TANC2: variants seen among roughly 807,000 people sequenced by gnomAD.
The protein encoded by TANC2 is tetratricopeptide repeat, ankyrin repeat and coiled-coil containing 2, also known as protein TANC2.
In TANC2, 26 loss-of-function variants were observed where a neutral mutation model predicts 210.5. The observed-to-expected ratio is 0.12, with a 90% CI of 0.09 to 0.17. The LOEUF is 0.17. Ranked by LOEUF, TANC2 falls within the 10% of genes least tolerant of loss-of-function variation. The pLI is 1.00. For synonymous variants in TANC2, 931 were observed against 967.1 expected, an observed-to-expected ratio of 0.96 and a Z score of 0.69; for missense variants, 2,129 against 2,608.9, an observed-to-expected ratio of 0.82 and a Z score of 4.01.
intron 12 of TANC2, among the ~76,000 whole-genome samples, chr17:63,344,318 G>A (rs1201985361): frequency 6.6e-6 from 1 of 152,144 alleles, no homozygotes; most frequent in Non-Finnish European, 1.5e-5. Flanking sequence ...ACACCAATTA[G>A]TGATAAAAAC....
At chr17:62,975,140 A>G (rs2031929578) in intron 1 of TANC2, among the ~76,000 whole-genome samples, 1 of 152,170 alleles carries the variant, frequency 6.6e-6, no homozygotes, top group South Asian at 2.1e-4. Context: ...ATTGTGATTT[A>G]GTCATTTTAT....
chr17:63,020,068 A>T (rs1459938852), intron 2 of TANC2, among the ~76,000 whole-genome samples: 1 of 152,202 alleles, frequency 6.6e-6, no homozygotes, highest in Non-Finnish European at 1.5e-5. Context: ...CTGGGATTAC[A>T]GGCATGTGCC....
At chr17:63,111,159 A>G (rs563758753) in intron 4 of TANC2, among the ~76,000 whole-genome samples, 1 of 152,132 alleles carries the variant, frequency 6.6e-6, no homozygotes, top group East Asian at 1.9e-4. Flanking sequence ...TAAAAATACA[A>G]AAAAAATTAG....
chr17:63,162,897 A>T (rs1364872867), intron 5 of TANC2, among the ~76,000 whole-genome samples: 1 of 152,030 alleles, frequency 6.6e-6, no homozygotes, highest in Non-Finnish European at 1.5e-5. Flanking sequence ...ACTTAACGTT[A>T]GTGGTCATTA....
intron 8 of TANC2, among the ~76,000 whole-genome samples, chr17:63,256,221 T>C (rs957383801): frequency 6.6e-6 from 1 of 152,208 alleles, no homozygotes; most frequent in Non-Finnish European, 1.5e-5. Flanking sequence ...ACCTTTTTTA[T>C]GTAGGCACTT....
chr17:62,975,914 G>A lies in TANC2; in HGVS notation c.-24+9165G>A, dbSNP rs570213338. 8.5e-5 allele frequency among the ~76,000 whole-genome samples: 13 copies of A among 152,176 alleles called. No individual in the cohort carries two copies. In the South Asian group the frequency reaches 1.9e-3, roughly 22 times the overall value. Reference sequence around the variant, plus strand: ...AATTTTTCTTTTTTGATATATGCCAGCTCCTCCCAATTTTTTACTGGCATT... The same window carrying A: ...AATTTTTCTTTTTTGATATATGCCAACTCCTCCCAATTTTTTACTGGCATT... On this transcript the variant is annotated intron_variant, in intron 1 of 27. Coordinates refer to ENST00000689528, the Ensembl canonical transcript of TANC2.
chr17:63,410,739 T>C (rs1311228600), intron 21 of TANC2, among the ~76,000 whole-genome samples: 1 of 151,628 alleles, frequency 6.6e-6, no homozygotes, highest in Non-Finnish European at 1.5e-5. Flanking sequence ...TGCATGCCTT[T>C]AATCCCAGCT....
intron 8 of TANC2, among the ~76,000 whole-genome samples, chr17:63,262,734 A>G (rs976304969): frequency 2.6e-5 from 4 of 151,976 alleles, no homozygotes; most frequent in Non-Finnish European, 4.4e-5. Context: ...AGAAACAACT[A>G]TGGGCCAGGG....
intron 18 of TANC2, among the ~76,000 whole-genome samples, 195 bp from the exon 19 acceptor site, chr17:63,398,626 A>T (rs1034862604): frequency 1.3e-5 from 2 of 152,208 alleles, no homozygotes; most frequent in Non-Finnish European, 2.9e-5. Flanking sequence ...GAAATGTGCA[A>T]ACCATACCTG....
At chr17:63,103,499 G>C (rs1176348950) in intron 4 of TANC2, among the ~76,000 whole-genome samples, 1 of 152,156 alleles carries the variant, frequency 6.6e-6, no homozygotes, top group Non-Finnish European at 1.5e-5. Flanking sequence ...TGGTCCGACT[G>C]TTTGGGTTTA....
chr17:63,015,878 A>G (rs78854784), intron 2 of TANC2, among the ~76,000 whole-genome samples: 3,645 of 151,948 alleles, frequency 0.024, 55 homozygotes, highest in South Asian at 0.037. Flanking sequence ...ACCTTAAATT[A>G]TTTAATTAAA....
chr17:63,052,726 T>G (rs1448420768), intron 2 of TANC2, among the ~76,000 whole-genome samples: 5 of 152,144 alleles, frequency 3.3e-5, no homozygotes, highest in African/African-American at 1.2e-4. Flanking sequence ...AGATACATAA[T>G]CTTTTCCAGA....
intron 2 of TANC2, among the ~76,000 whole-genome samples, chr17:63,041,728 T>C (rs1203053751): frequency 6.6e-6 from 1 of 152,168 alleles, no homozygotes. Context: ...ACTGGGTTAA[T>C]GAATAACATA....
At chr17:63,213,787 C>G (rs187020123) in intron 7 of TANC2, among the ~76,000 whole-genome samples, 1 of 152,178 alleles carries the variant, frequency 6.6e-6, no homozygotes, top group Non-Finnish European at 1.5e-5. Context: ...TGGCAACATG[C>G]TGAAATAATA....
At chr17:63,235,275 C>T (rs1273028346) in intron 7 of TANC2, among the ~76,000 whole-genome samples, 2 of 152,078 alleles carry the variant, frequency 1.3e-5, no homozygotes, top group Non-Finnish European at 2.9e-5. Flanking sequence ...ATTTTCTCTG[C>T]TTTCTTTTTG....
intron 11 of TANC2, among the ~76,000 whole-genome samples, chr17:63,320,804 G>T (rs2045470578): frequency 6.6e-6 from 1 of 152,070 alleles, no homozygotes; most frequent in Admixed American, 6.6e-5. Flanking sequence ...GCAAGCCCTG[G>T]AAATATTCTT....
At chr17:63,094,009 T>C (rs1266347876) in intron 3 of TANC2, among the ~76,000 whole-genome samples, 3 of 152,152 alleles carry the variant, frequency 2.0e-5, no homozygotes, top group African/African-American at 7.2e-5. Flanking sequence ...ATATTTTATG[T>C]TTTTAGTAGT....
At chr17:62,978,350 G>A (rs2143374649) in intron 1 of TANC2, 1 of 152,242 alleles carries the variant, frequency 6.6e-6, no homozygotes, top group East Asian at 1.9e-4. Context: ...AGAGTTAGGG[G>A]CTTCGTATTG....
intron 8 of TANC2, among the ~76,000 whole-genome samples, chr17:63,245,598 G>A (rs972226901): frequency 5.9e-5 from 9 of 151,808 alleles, no homozygotes; most frequent in Admixed American, 2.6e-4. Context: ...ATCCCAGCAC[G>A]TTGAGAGGCT....
Sources: gnomAD v4.1 joint callset for allele counts (sites outside exome capture counted in the v4.1 genomes callset) on GRCh38, gnomAD v4.1.1 for gene constraint, MANE v1.5 for transcripts, NCBI Gene and HGNC (gene_info 2026-07-23, HGNC 2026-07-21) for gene names.